SMG6: variants seen among roughly 807,000 people sequenced by gnomAD.
The protein encoded by SMG6 is SMG6 nonsense mediated mRNA decay factor.
Under a neutral mutation model 142.2 loss-of-function variants are expected in SMG6, and 66 were observed. The ratio of observed to expected loss-of-function variants is 0.46; its 90% CI spans 0.38 to 0.57. The LOEUF (loss-of-function observed/expected upper bound fraction) is 0.57. Among genes scored for constraint, SMG6 ranks in the 20% least tolerant of loss-of-function variants. SMG6 has a pLI of 0.00. For synonymous variants in SMG6, 779 were observed against 702.4 expected (o/e 1.11, Z -1.72); for missense variants, 1,793 against 1,832.0 (o/e 0.98, Z 0.39).
At position 2,244,720 on chromosome 17, in the gene SMG6, C is replaced by G; in HGVS notation, c.2662-1G>C. ...AACTGAGGATGAACCTTTTGTTCAG[C>G]TGCATGGGAAAAAGGGAGAGGAGAA... On this transcript the variant is annotated splice_acceptor_variant, in intron 8 of 18. Coordinates refer to ENST00000263073, the MANE Select transcript of SMG6 (RefSeq NM_017575.5). LOFTEE classifies it high-confidence loss of function. 6.2e-7 allele frequency: 1 copy of G among 1,613,262 alleles called. No homozygotes were observed. The highest frequency in any genetic ancestry group is 1.1e-5 in the South Asian group (1 of 91,042).
In SMG6 at chr17:2,172,830, G is replaced by A; in HGVS notation, c.3185C>T (p.Ala1062Val). The A allele has an allele frequency of 6.2e-7, 1 of 1,614,164 alleles. No individual in the cohort carries two copies. Among genetic ancestry groups the A allele is most frequent in the Non-Finnish European group, 8.5e-7 (1 of 1,180,034 alleles). The change falls in exon 13 of 19, where the codon GCT becomes GTT. Residue 1062 changes from alanine to valine, a missense_variant. Transcript: ENST00000263073. ...TGCAGTCAGTATGTTACAGAAATCA[G>A]CCAGCGTCGACCATACATCCACAGC... ...HVAVDVWSTL[A>V]DFCNILTAVN...
intron 3 of SMG6, 94 bp downstream of exon 3, chr17:2,297,767 TTC>T (rs2075175630): frequency 7.1e-7 from 1 of 1,407,800 alleles, no homozygotes; most frequent in Non-Finnish European, 9.7e-7. Context: ...TTTGTCGATA[TTC>T]TGTTCTAAAA....
chr17:2,233,382 G>A (rs1289941134), intron 10 of SMG6: 1 of 152,374 alleles, frequency 6.6e-6, no homozygotes, highest in Non-Finnish European at 1.5e-5. Context: ...AGCTTGCAGT[G>A]ACTGCCAATT....
intron 8 of SMG6, chr17:2,255,893 T>G: frequency 4.3e-6 from 1 of 233,430 alleles, no homozygotes; most frequent in South Asian, 5.2e-5. Context: ...CCCCCAACCA[T>G]GTGCTCTCTG....
intron 13 of SMG6, among the ~76,000 whole-genome samples, chr17:2,123,647 G>A (rs899409075): frequency 4.6e-5 from 7 of 152,142 alleles, no homozygotes; most frequent in African/African-American, 1.4e-4. Flanking sequence ...TCATTCATAA[G>A]ACTACTAAGC....
chr17:2,096,448 A>C (rs1165415961), intron 13 of SMG6, among the ~76,000 whole-genome samples: 2 of 152,292 alleles, frequency 1.3e-5, no homozygotes, highest in Middle Eastern at 3.4e-3. Flanking sequence ...ACCTCAGGTG[A>C]TCCACCTGCC....
At chr17:2,266,695 C>A (rs747118448) in intron 8 of SMG6, among the ~76,000 whole-genome samples, 1 of 152,116 alleles carries the variant, frequency 6.6e-6, no homozygotes, top group African/African-American at 2.4e-5. Context: ...TGAAACAAAA[C>A]GGATAGGATA....
At chr17:2,280,891 G>A (rs143525124) in intron 8 of SMG6, among the ~76,000 whole-genome samples, 573 of 152,230 alleles carry the variant, frequency 3.8e-3, no homozygotes, top group Middle Eastern at 0.017. Context: ...ACCAGCCTGC[G>A]CAACAGGGCA....
chr17:2,091,833 G>A (rs1256464569), intron 13 of SMG6, among the ~76,000 whole-genome samples: 1 of 115,644 alleles, frequency 8.6e-6, no homozygotes, highest in Non-Finnish European at 1.9e-5. Context: ...ACCACGCCCA[G>A]CTAATTTTGT....
chr17:2,160,805 T>C lies in SMG6; in HGVS notation c.3357+11853A>G, dbSNP rs532292039. Among the ~76,000 whole-genome samples the C allele has an allele frequency of 7.2e-5, 11 of 152,186 alleles. No individual in the cohort carries two copies. The East Asian group carries it at 1.2e-3, about 16-fold the overall frequency. Reference sequence around the variant, plus strand: ...ATGATTGTATCACTGCCCTCCACCCTGGACAACAGGGCAAGACCCTGTCTC... The same window carrying C: ...ATGATTGTATCACTGCCCTCCACCCCGGACAACAGGGCAAGACCCTGTCTC... On this transcript the variant is annotated intron_variant, in intron 13 of 18. Coordinates refer to ENST00000263073, the MANE Select transcript of SMG6 (RefSeq NM_017575.5).
chr17:2,259,673 CAAA>C (rs11289865), intron 8 of SMG6, among the ~76,000 whole-genome samples: 18 of 86,136 alleles, frequency 2.1e-4, no homozygotes, highest in Non-Finnish European at 1.4e-4. Flanking sequence ...ACCCTGTCTC[CAAA>C]AAAAAAAAAA....
At chr17:2,244,913 G>A (rs1349388815) in intron 8 of SMG6, 194 bp from the exon 9 acceptor site, 3 of 589,584 alleles carry the variant, frequency 5.1e-6, no homozygotes, top group East Asian at 5.6e-5. Flanking sequence ...GCTGAGCCAA[G>A]ATGACAACAG....
At chr17:2,232,399 A>G (rs2073523099) in intron 10 of SMG6, among the ~76,000 whole-genome samples, 1 of 152,142 alleles carries the variant, frequency 6.6e-6, no homozygotes, top group Non-Finnish European at 1.5e-5. Flanking sequence ...AGAGATTATC[A>G]GTTATGACAT....
intron 13 of SMG6, among the ~76,000 whole-genome samples, chr17:2,126,706 G>T (rs1249745909): frequency 7.2e-6 from 1 of 138,678 alleles, no homozygotes; most frequent in Non-Finnish European, 1.5e-5. Context: ...ACAGAGTGAG[G>T]CTCAGTTTCA....
At chr17:2,097,043 T>TC (rs796687121) in intron 13 of SMG6, among the ~76,000 whole-genome samples, 6 of 152,278 alleles carry the variant, frequency 3.9e-5, no homozygotes, top group African/African-American at 1.4e-4. Flanking sequence ...TAAATACCCC[T>TC]CAGTGATCCA....
intron 12 of SMG6, among the ~76,000 whole-genome samples, chr17:2,177,141 G>C (rs1250769126): frequency 1.3e-5 from 2 of 152,152 alleles, no homozygotes; most frequent in African/African-American, 4.8e-5. Context: ...GGCAGCTGAC[G>C]TCCAGGGAAC....
At chr17:2,203,725 T>C (rs2072598543) in intron 10 of SMG6, among the ~76,000 whole-genome samples, 1 of 152,094 alleles carries the variant, frequency 6.6e-6, no homozygotes, top group South Asian at 2.1e-4. Flanking sequence ...TATAGCTATA[T>C]CACTTTTAAT....
At chr17:2,172,930 G>C in intron 12 of SMG6, 71 bp from the exon 13 acceptor site, 1 of 1,423,702 alleles carries the variant, frequency 7.0e-7, no homozygotes, top group Non-Finnish European at 9.8e-7. Flanking sequence ...CTCAGTATTT[G>C]TGAGCAGGGA....
intron 13 of SMG6, among the ~76,000 whole-genome samples, chr17:2,128,817 C>CGAAA (rs2069997107): frequency 1.4e-5 from 1 of 73,078 alleles, no homozygotes; most frequent in Non-Finnish European, 2.9e-5. Context: ...GAGCAAGACT[C>CGAAA]AAAAAAAAAA....
Sources: gnomAD v4.1 joint callset for allele counts (sites outside exome capture counted in the v4.1 genomes callset) on GRCh38, gnomAD v4.1.1 for gene constraint, MANE v1.5 for transcripts, NCBI Gene and HGNC (gene_info 2026-07-23, HGNC 2026-07-21) for gene names.